MCM2: variants seen among roughly 807,000 people sequenced by gnomAD.
MCM2 encodes the protein DNA replication licensing factor MCM2.
A neutral mutation model predicts 86.4 loss-of-function variants in MCM2; 49 were observed. The ratio of observed to expected loss-of-function variants is 0.57; its 90% CI spans 0.45 to 0.72. The LOEUF (loss-of-function observed/expected upper bound fraction) is 0.72. Ranked by LOEUF, MCM2 falls within the 30% of genes least tolerant of loss-of-function variation. The pLI, the probability that MCM2 is intolerant of heterozygous loss-of-function variation, is 0.00. For missense variants in MCM2, 1,038 were observed against 1,259.9 expected (o/e 0.82, Z 2.67); for synonymous variants, 475 against 484.6 (o/e 0.98, Z 0.26).
rs1417212781 is a variant in MCM2, at chr3:127,622,108, G to C, written c.*335G>C. The C allele has an allele frequency of 5.2e-6, 1 of 192,342 alleles. No homozygotes were observed. Among genetic ancestry groups the C allele is most frequent in the Non-Finnish European group, 1.1e-5 (1 of 94,808 alleles). 11.9% of individuals were successfully genotyped at this position (192,342 alleles called of 1,614,324 possible). On this transcript the variant is annotated 3_prime_UTR_variant, in exon 16 of 16. Transcript: ENST00000265056. ...GGTTTAGGTGTTAGCCTTCTTACAT[G>C]GATGTCAGGAGAGCTGCTGCCCTCT...
chr3:127,603,951 T>G (rs933456451), intron 2 of MCM2, among the ~76,000 whole-genome samples: 1 of 152,166 alleles, frequency 6.6e-6, no homozygotes, highest in African/African-American at 2.4e-5. Context: ...TGAGCCACCG[T>G]GCCCGGCCAT....
intron 8 of MCM2, among the ~76,000 whole-genome samples, chr3:127,614,558 T>A (rs947990920): frequency 6.6e-6 from 1 of 152,252 alleles, no homozygotes; most frequent in African/African-American, 2.4e-5. Context: ...GAGATATTGC[T>A]AATTATGTCC....
intron 8 of MCM2, among the ~76,000 whole-genome samples, chr3:127,609,837 CTTTTTTTTTTTT>C (rs10716532): frequency 5.8e-5 from 4 of 69,086 alleles, no homozygotes; most frequent in African/African-American, 1.1e-4. Context: ...AGTCAACTTC[CTTTTTTTTTTTT>C]TTTTTTTTTT....
intron 14 of MCM2, 83 bp downstream of exon 14, chr3:127,620,963 C>A: frequency 6.4e-7 from 1 of 1,568,998 alleles, no homozygotes; most frequent in East Asian, 2.2e-5. Flanking sequence ...CTGGCCTGGA[C>A]GTGCACCCAG....
At chr3:127,608,232 T>C in intron 6 of MCM2, 150 bp from the exon 7 acceptor site, 1 of 945,720 alleles carries the variant, frequency 1.1e-6, no homozygotes, top group Non-Finnish European at 1.6e-6. Flanking sequence ...ACTGATGTGC[T>C]GAGTCGCCAT....
chr3:127,602,011 G>A (rs1455812130), intron 2 of MCM2, among the ~76,000 whole-genome samples: 1 of 152,136 alleles, frequency 6.6e-6, no homozygotes, highest in Non-Finnish European at 1.5e-5. Flanking sequence ...CTATTGAGTT[G>A]TAAGAGGTTT....
intron 2 of MCM2, among the ~76,000 whole-genome samples, chr3:127,601,165 T>C (rs1270621959): frequency 6.6e-6 from 1 of 152,198 alleles, no homozygotes; most frequent in East Asian, 1.9e-4. Flanking sequence ...TGTGGTGGGC[T>C]TTTTTCTCTT....
At chr3:127,619,308 T>C (rs762800385) in intron 13 of MCM2, 30 bp downstream of exon 13, 2 of 1,599,956 alleles carry the variant, frequency 1.3e-6, no homozygotes, top group East Asian at 4.5e-5. Flanking sequence ...CGGGAGGTGC[T>C]ATGCAGAGAA....
chr3:127,598,586 G>GA, intron 1 of MCM2, 114 bp downstream of exon 1: 2 of 1,369,230 alleles, frequency 1.5e-6, no homozygotes, highest in Non-Finnish European at 2.0e-6. Flanking sequence ...CTGGGCCCCA[G>GA]GCTCTGGGGC....
In MCM2 at chr3:127,605,033, G is replaced by A. The variant is rs756423886; in HGVS notation, c.550G>A (p.Glu184Lys). Residue 184 changes from glutamate to lysine, a missense_variant, in exon 4 of 16, where the codon GAG becomes AAG. Coordinates refer to ENST00000265056, the MANE Select transcript of MCM2 (RefSeq NM_004526.4). Reference protein sequence around the residue: ...LEDLKGHSVREWVSMAGPRLE... With the variant: ...LEDLKGHSVRKWVSMAGPRLE... ...GGATCTCAAAGGCCACTCTGTGCGC[G>A]AGTGGGTGAGCATGGCGGGCCCCCG... is the stretch of plus-strand genomic sequence containing the variant. 9.9e-6 allele frequency: 16 copies of A among 1,614,156 alleles called. No individual in the cohort carries two copies. Among genetic ancestry groups the A allele is most frequent in the South Asian group, 3.3e-5 (3 of 91,082 alleles).
rs2074354593 is a variant in MCM2, at chr3:127,606,709, G to A, written c.993G>A (p.Lys331=). 4 of 1,614,254 alleles carry A rather than the reference G, an allele frequency of 2.5e-6. No homozygotes were observed. The highest frequency in any genetic ancestry group is 3.4e-6 in the Non-Finnish European group (4 of 1,180,046). Residue 331 remains lysine, a synonymous_variant, in exon 6 of 16, where the codon AAG becomes AAA. Transcript: ENST00000265056. The surrounding 1 kb of genome is among the most constrained non-coding windows in gnomAD (Gnocchi z 4.2). ...GCATGGTCAAGTACAACTGCAACAA[G>A]TGCAATTTCGTCCTGGGTCCTTTCT... ...QLSMVKYNCN[K]CNFVLGPFCQ... is the part of the protein sequence containing the mutation.
At chr3:127,602,162 CTTT>C (rs201744525) in intron 2 of MCM2, among the ~76,000 whole-genome samples, 6 of 127,932 alleles carry the variant, frequency 4.7e-5, no homozygotes, top group Admixed American at 7.8e-5. Context: ...TCCAGTTTAA[CTTT>C]TTTTTTTTTT....
chr3:127,608,623 C>A, intron 7 of MCM2, 107 bp downstream of exon 7: 1 of 1,453,304 alleles, frequency 6.9e-7, no homozygotes. Context: ...GGCACTCGGG[C>A]TAGGATCTGT....
intron 8 of MCM2, chr3:127,610,879 T>C (rs1245390321): frequency 2.2e-6 from 1 of 456,720 alleles, no homozygotes; most frequent in South Asian, 1.5e-5. Flanking sequence ...GGGGTTCCCA[T>C]AGGAGAGGTG....
chr3:127,619,343 C>A, intron 13 of MCM2, 65 bp downstream of exon 13: 1 of 1,562,802 alleles, frequency 6.4e-7, no homozygotes, highest in Non-Finnish European at 8.7e-7. Flanking sequence ...AGCCTTCTGA[C>A]CAATGCAGCG....
At position 127,618,079 on chromosome 3, in the gene MCM2, C is replaced by T; in HGVS notation, c.2011C>T (p.Gln671Ter). ...GGTGAGGGACACCGTGGACCCAGTCCAGGTATAGCTCACATGTGCCCGGTT... is the reference window on the plus strand; with the variant it reads ...GGTGAGGGACACCGTGGACCCAGTCTAGGTATAGCTCACATGTGCCCGGTT... ...CVVRDTVDPVQDEMLARFVVG... is the reference protein window; with the variant it reads ...CVVRDTVDPV The change falls in exon 12 of 16, where the codon CAG becomes TAG. Residue 671 changes from glutamine to a stop codon, truncating the protein, a stop_gained and splice_region_variant. Transcript: ENST00000265056. LOFTEE classifies it high-confidence loss of function. The surrounding 1 kb of genome is among the most constrained non-coding windows in gnomAD (Gnocchi z 4.0). 6.2e-7 allele frequency: 1 copy of T among 1,613,348 alleles called. No individual in the cohort carries two copies. Among genetic ancestry groups the T allele is most frequent in the South Asian group, 1.1e-5 (1 of 91,006 alleles).
chr3:127,606,343 C>G lies in MCM2; in HGVS notation c.893+6C>G. The G allele has an allele frequency of 6.2e-7, 1 of 1,614,010 alleles. No homozygotes were observed. Among genetic ancestry groups the G allele is most frequent in the Non-Finnish European group, 8.5e-7 (1 of 1,179,878 alleles). On this transcript the variant is annotated splice_donor_region_variant and intron_variant, in intron 5 of 15. Transcript: ENST00000265056. This position sits in a 1 kb window ranked among gnomAD's most constrained non-coding sequence, Gnocchi z 4.2. ...GAGGAGCTGCGCTCGCTGAGGTGAGCTGAGGGCAGGTGAGGATGGCAGGTC... is the reference window on the plus strand; with the variant it reads ...GAGGAGCTGCGCTCGCTGAGGTGAGGTGAGGGCAGGTGAGGATGGCAGGTC...
Position 127,615,904 on chromosome 3 carries a change from A to C in MCM2, c.1471A>C (p.Ile491Leu), listed in dbSNP as rs1181571941. The change falls in exon 9 of 16, where the codon ATC becomes CTC. Residue 491 changes from isoleucine to leucine, a missense_variant. Around this residue, in one of 4 missense-constraint regions of MCM2, gnomAD observed 399 missense variants for 507.2 expected, o/e 0.79. Coordinates refer to ENST00000265056, the MANE Select transcript of MCM2 (RefSeq NM_004526.4). ...TCCTTCCATCTATGGTCATGAAGAC[A>C]TCAAGAGAGGCCTGGCTCTGGCCCT... The part of the protein sequence containing the change: ...IAPSIYGHED[I>L]KRGLALALFG... 6.2e-7 allele frequency: 1 copy of C among 1,614,180 alleles called. No homozygotes were observed. Among genetic ancestry groups the C allele is most frequent in the Non-Finnish European group, 8.5e-7 (1 of 1,180,040 alleles).
At position 127,606,463 on chromosome 3, in the gene MCM2, A is replaced by C; in HGVS notation, c.893+126A>C. On this transcript the variant is annotated intron_variant, in intron 5 of 15. Coordinates refer to ENST00000265056, the MANE Select transcript of MCM2 (RefSeq NM_004526.4). This position sits in a 1 kb window ranked among gnomAD's most constrained non-coding sequence, Gnocchi z 4.2. ...GCCAGCAGCATCCTCATCGCAGGTG[A>C]GTTGTGGTTGCACAGGAGTGTGATG... 8.5e-7 allele frequency: 1 copy of C among 1,179,218 alleles called. No individual in the cohort carries two copies. Among genetic ancestry groups the C allele is most frequent in the Non-Finnish European group, 1.2e-6 (1 of 822,200 alleles). 73.0% of individuals were successfully genotyped at this position (1,179,218 alleles called of 1,614,324 possible).
Sources: gnomAD v4.1 joint callset for allele counts (sites outside exome capture counted in the v4.1 genomes callset) on GRCh38, gnomAD v4.1.1 for gene constraint, gnomAD v4.1.1 regional missense constraint, Gnocchi (gnomAD v3.1) non-coding constraint, MANE v1.5 for transcripts, NCBI Gene and HGNC (gene_info 2026-07-23, HGNC 2026-07-21) for gene names.